The following ATRN variants were observed in gnomAD, a reference collection of about 807,000 sequenced individuals.
The protein encoded by ATRN is attractin-2.
A neutral mutation model predicts 178.7 loss-of-function variants in ATRN; 54 were observed. The ratio of observed to expected loss-of-function variants is 0.30; its 90% CI spans 0.24 to 0.38. ATRN has a LOEUF of 0.38. Among genes scored for constraint, ATRN ranks in the 10% least tolerant of loss-of-function variants. ATRN has a pLI of 1.00. For missense variants in ATRN, 1,443 were observed against 1,815.1 expected (o/e 0.79, Z 3.73); for synonymous variants, 636 against 663.0 (o/e 0.96, Z 0.63).
intron 12 of ATRN, 105 bp downstream of exon 12, chr20:3,573,056 C>T (rs2086150487): frequency 1.1e-5 from 11 of 988,768 alleles, no homozygotes; most frequent in Non-Finnish European, 1.6e-5. Context: ...TTACCTTATC[C>T]AAAATTATTC....
chr20:3,548,269 A>C (rs180952968), intron 5 of ATRN, among the ~76,000 whole-genome samples: 35 of 152,332 alleles, frequency 2.3e-4, no homozygotes, highest in Admixed American at 5.2e-4. Context: ...AAATTCAAAC[A>C]ACCATGTGTA....
intron 23 of ATRN, among the ~76,000 whole-genome samples, chr20:3,601,358 C>G (rs1398975005): frequency 6.6e-6 from 1 of 152,166 alleles, no homozygotes; most frequent in Non-Finnish European, 1.5e-5. Flanking sequence ...GCTGTGGCCA[C>G]TGGCACTACC....
chr20:3,547,127 T>C lies in ATRN; in HGVS notation c.738-157T>C, dbSNP rs1337748485. 4.6e-5 allele frequency among the ~76,000 whole-genome samples: 7 copies of C among 152,364 alleles called. No homozygotes were observed. The Middle Eastern group carries it at 0.014, about 298-fold the overall frequency. ...TACCTCGGGCTCTAGCTATGCAGTG[T>C]TGAGCAAACCCATTTGGACTGAATC... On this transcript the variant is annotated intron_variant, in intron 4 of 28. Coordinates refer to ENST00000262919, the MANE Select transcript of ATRN (RefSeq NM_139321.3).
intron 1 of ATRN, among the ~76,000 whole-genome samples, chr20:3,510,360 T>G (rs1359124724): frequency 6.6e-6 from 1 of 152,212 alleles, no homozygotes; most frequent in East Asian, 1.9e-4. Context: ...ACCTCTGCTG[T>G]TGTAGAGAGA....
intron 1 of ATRN, among the ~76,000 whole-genome samples, chr20:3,478,682 A>G (rs1568677286): frequency 1.3e-5 from 2 of 152,154 alleles, no homozygotes; most frequent in African/African-American, 4.8e-5. Flanking sequence ...CTTAAAGTGT[A>G]ATAAAAAACA....
intron 3 of ATRN, among the ~76,000 whole-genome samples, chr20:3,544,523 G>A (rs1167975956): frequency 6.6e-6 from 1 of 152,020 alleles, no homozygotes; most frequent in African/African-American, 2.4e-5. Context: ...TGGTGGTGGT[G>A]AATCAATAAT....
chr20:3,575,221 C>T (rs992794856), intron 12 of ATRN, among the ~76,000 whole-genome samples: 4 of 152,206 alleles, frequency 2.6e-5, no homozygotes, highest in African/African-American at 7.2e-5. Context: ...CTCGGCCTCC[C>T]GAAGTGCTGA....
intron 1 of ATRN, among the ~76,000 whole-genome samples, chr20:3,522,969 A>G (rs1331169134): frequency 6.6e-6 from 1 of 152,186 alleles, no homozygotes; most frequent in Non-Finnish European, 1.5e-5. Context: ...AACCAGCGCA[A>G]AAAGGCTGAA....
At chr20:3,506,624 C>CA (rs1234061588) in intron 1 of ATRN, among the ~76,000 whole-genome samples, 1,368 of 84,062 alleles carry the variant, frequency 0.016, 49 homozygotes, top group Admixed American at 0.11. Flanking sequence ...GACTACATCT[C>CA]AAAAAAAAAA....
chr20:3,622,173 C>CT (rs574832802), intron 24 of ATRN, among the ~76,000 whole-genome samples: 114 of 152,356 alleles, frequency 7.5e-4, no homozygotes, highest in African/African-American at 2.6e-3. Context: ...GAGTCCTTCA[C>CT]TTGAGACTTC....
intron 10 of ATRN, among the ~76,000 whole-genome samples, chr20:3,564,129 T>G (rs761125978): frequency 2.6e-5 from 4 of 152,318 alleles, no homozygotes; most frequent in Admixed American, 1.3e-4. Context: ...TAACAGACAT[T>G]TGTGTGCCAG....
At chr20:3,498,723 A>G (rs896447933) in intron 1 of ATRN, among the ~76,000 whole-genome samples, 5 of 151,954 alleles carry the variant, frequency 3.3e-5, no homozygotes, top group African/African-American at 1.2e-4. Flanking sequence ...CACAGCTAAT[A>G]TCATACTGAA....
chr20:3,506,061 C>T (rs2085038792), intron 1 of ATRN, among the ~76,000 whole-genome samples: 1 of 148,934 alleles, frequency 6.7e-6, no homozygotes, highest in African/African-American at 2.6e-5. Context: ...CACACTGACA[C>T]ATACACATAC....
intron 1 of ATRN, among the ~76,000 whole-genome samples, chr20:3,511,364 T>C (rs2085124748): frequency 6.6e-6 from 1 of 151,362 alleles, no homozygotes; most frequent in South Asian, 2.1e-4. Flanking sequence ...ATGACTGGTA[T>C]CAGTAATAGG....
intron 23 of ATRN, among the ~76,000 whole-genome samples, chr20:3,602,543 C>G (rs1449197230): frequency 6.6e-6 from 1 of 152,096 alleles, no homozygotes; most frequent in Non-Finnish European, 1.5e-5. Flanking sequence ...ACGCCACTTA[C>G]GTTTATCATC....
intron 20 of ATRN, among the ~76,000 whole-genome samples, chr20:3,595,689 G>A (rs747560636): frequency 3.9e-5 from 6 of 152,190 alleles, no homozygotes; most frequent in African/African-American, 9.7e-5. Context: ...CTTCGAGATC[G>A]CAGATGTAGG....
intron 24 of ATRN, among the ~76,000 whole-genome samples, chr20:3,616,875 T>C (rs939554011): frequency 6.6e-6 from 1 of 152,060 alleles, no homozygotes; most frequent in Non-Finnish European, 1.5e-5. Context: ...CCATAGCAAC[T>C]TCCTTTCCTC....
chr20:3,481,384 G>A (rs1028792422), intron 1 of ATRN, among the ~76,000 whole-genome samples: 13 of 152,074 alleles, frequency 8.5e-5, no homozygotes, highest in African/African-American at 2.2e-4. Context: ...CCTGTCACCC[G>A]TGCTGAAGTG....
At position 3,471,246 on chromosome 20, in the gene ATRN, C is replaced by G; in HGVS notation, c.139C>G (p.Leu47Val). ...TGGGAGGCCGGGGCTGGGGGCCGGG[C>G]TGCGCCTCCCGCGGCTGCTGTCTCC... ...RAGRPGLGAG[L>V]RLPRLLSPPL... Residue 47 changes from leucine to valine, a missense_variant, in exon 1 of 29, where the codon CTG becomes GTG. Physicochemically the swap from Leu to Val is conservative, Grantham distance 32. Transcript: ENST00000262919. 6.9e-7 allele frequency: 1 copy of G among 1,445,024 alleles called. No individual in the cohort carries two copies. Among genetic ancestry groups the G allele is most frequent in the Non-Finnish European group, 9.0e-7 (1 of 1,108,980 alleles). 89.5% of individuals were successfully genotyped at this position (1,445,024 alleles called of 1,614,324 possible). A position where few individuals can be genotyped will look rare whatever the true frequency, so the allele number is the denominator to read the frequency against.
Sources: gnomAD v4.1 joint callset for allele counts (sites outside exome capture counted in the v4.1 genomes callset) on GRCh38, gnomAD v4.1.1 for gene constraint, MANE v1.5 for transcripts, NCBI Gene and HGNC (gene_info 2026-07-23, HGNC 2026-07-21) for gene names.